Variants in ZBTB20 observed in about 807,000 individuals in gnomAD.
ZBTB20 encodes the protein zinc finger and BTB domain-containing protein 20.
Under a neutral mutation model 56.9 loss-of-function variants are expected in ZBTB20, and 9 were observed. The observed-to-expected ratio is 0.16, with a 90% confidence interval of 0.10 to 0.28. The LOEUF (loss-of-function observed/expected upper bound fraction) is 0.28. ZBTB20 is among the 10% of genes least tolerant of loss of function. The pLI, the probability that ZBTB20 is intolerant of heterozygous loss-of-function variation, is 1.00. For synonymous variants in ZBTB20, 417 were observed against 420.7 expected (o/e 0.99, Z 0.11); for missense variants, 655 against 1,003.0 (o/e 0.65, Z 4.69).
intron 2 of ZBTB20, among the ~76,000 whole-genome samples, chr3:115,030,963 T>C (rs1046008285): frequency 4.0e-5 from 6 of 151,428 alleles, no homozygotes; most frequent in African/African-American, 1.4e-4. Context: ...TAATAAAAAT[T>C]CAATATGCAC....
chr3:114,658,059 C>T (rs1203670824), intron 6 of ZBTB20, among the ~76,000 whole-genome samples: 2 of 152,094 alleles, frequency 1.3e-5, no homozygotes, highest in Non-Finnish European at 1.5e-5. Flanking sequence ...TATTTTTTAA[C>T]CTTAAAAAAA....
chr3:114,451,561 AAAGAT>A (rs1453992082), intron 7 of ZBTB20, among the ~76,000 whole-genome samples: 3 of 152,204 alleles, frequency 2.0e-5, no homozygotes, highest in Admixed American at 2.0e-4. Flanking sequence ...GAACAAAAAC[AAAGAT>A]AAAAATTGCA....
intron 7 of ZBTB20, among the ~76,000 whole-genome samples, chr3:114,435,374 A>G (rs1367155329): frequency 6.6e-6 from 1 of 152,194 alleles, no homozygotes; most frequent in Non-Finnish European, 1.5e-5. Context: ...TGATCTTCAT[A>G]CCAACTACGA....
Position 114,325,909 on chromosome 3 carries a change from T to A in ZBTB20, c.*13096A>T, listed in dbSNP as rs1301981641. 6.6e-6 allele frequency: 1 copy of A among 152,130 alleles called. No individual in the cohort carries two copies. The highest frequency in any genetic ancestry group is 1.5e-5 in the Non-Finnish European group (1 of 68,026). 9.4% of individuals were successfully genotyped at this position (152,130 alleles called of 1,614,324 possible). A position where few individuals can be genotyped will look rare whatever the true frequency, so the allele number is the denominator to read the frequency against. On this transcript the variant is annotated 3_prime_UTR_variant, in exon 12 of 12. Transcript: ENST00000675478. ...AGTTTCTAATTTGTTTTTTCCTTCTTTTGTGGTGGAGGGGTATAGATGGGT... is the reference window on the plus strand; with the variant it reads ...AGTTTCTAATTTGTTTTTTCCTTCTATTGTGGTGGAGGGGTATAGATGGGT...
chr3:115,123,628 A>T (rs2084243529), intron 1 of ZBTB20, among the ~76,000 whole-genome samples: 1 of 152,204 alleles, frequency 6.6e-6, no homozygotes. Context: ...AGCCAAAGCT[A>T]AATATGACCT....
intron 7 of ZBTB20, among the ~76,000 whole-genome samples, chr3:114,469,559 T>C (rs1576933461): frequency 6.6e-6 from 1 of 152,340 alleles, no homozygotes; most frequent in East Asian, 1.9e-4. Context: ...TATGTTCTGG[T>C]TCTGATTCAT....
At chr3:115,084,097 G>C (rs1278799363) in intron 1 of ZBTB20, among the ~76,000 whole-genome samples, 2 of 151,396 alleles carry the variant, frequency 1.3e-5, no homozygotes, top group Non-Finnish European at 3.0e-5. Flanking sequence ...GCAATAAAAT[G>C]GTATTTAAAG....
chr3:115,008,375 G>T (rs1369995705), intron 2 of ZBTB20, among the ~76,000 whole-genome samples: 2 of 151,774 alleles, frequency 1.3e-5, no homozygotes. Context: ...GTATGCTGAG[G>T]GTTAAAGGCA....
At chr3:114,417,911 C>T (rs973373622) in intron 7 of ZBTB20, among the ~76,000 whole-genome samples, 6 of 151,992 alleles carry the variant, frequency 3.9e-5, no homozygotes, top group Admixed American at 6.6e-5. Flanking sequence ...GAACTTGGAT[C>T]GCTTTCCCAT....
At chr3:114,964,194 C>T (rs773214347) in intron 3 of ZBTB20, among the ~76,000 whole-genome samples, 1 of 152,080 alleles carries the variant, frequency 6.6e-6, no homozygotes, top group Non-Finnish European at 1.5e-5. Context: ...GTGGGTGGAT[C>T]ACCTGAGGTC....
rs2079078858 is a variant in ZBTB20 at position 114,326,781 on chromosome 3, C to T, written c.*12224G>A. ...ATTATCCCTTTGCTCTACCATGTTT[C>T]ACTTTCTTTGAAGGAATTGCATCTA... On this transcript the variant is annotated 3_prime_UTR_variant, in exon 12 of 12. Coordinates refer to ENST00000675478, the MANE Select transcript of ZBTB20 (RefSeq NM_001348800.3). The T allele has an allele frequency of 6.6e-6, 1 of 152,184 alleles. No individual in the cohort carries two copies. The highest frequency in any genetic ancestry group is 2.4e-5 in the African/African-American group (1 of 41,450). 9.4% of individuals were successfully genotyped at this position (152,184 alleles called of 1,614,324 possible).
At chr3:115,145,350 G>A (rs547018914) in intron 1 of ZBTB20, among the ~76,000 whole-genome samples, 2 of 152,282 alleles carry the variant, frequency 1.3e-5, no homozygotes, top group East Asian at 3.9e-4. Flanking sequence ...TTGACCCTCA[G>A]TATCCATGGG....
intron 4 of ZBTB20, among the ~76,000 whole-genome samples, chr3:114,889,607 TA>T (rs1361074970): frequency 6.6e-6 from 1 of 152,002 alleles, no homozygotes; most frequent in Admixed American, 6.6e-5. Context: ...AAATAAATCA[TA>T]AAAAGGCACT....
At chr3:115,075,182 A>T (rs1253276227) in intron 1 of ZBTB20, among the ~76,000 whole-genome samples, 1 of 152,160 alleles carries the variant, frequency 6.6e-6, no homozygotes, top group East Asian at 1.9e-4. Flanking sequence ...TTAAGTGTGC[A>T]GTATTGTTGA....
At chr3:114,370,969 T>A (rs149155906) in intron 10 of ZBTB20, among the ~76,000 whole-genome samples, 56 of 152,304 alleles carry the variant, frequency 3.7e-4, no homozygotes, top group African/African-American at 1.3e-3. Flanking sequence ...ATCCTCCCCA[T>A]TCCTCCTATT....
rs111286494 is a variant in ZBTB20 at position 115,035,544 on chromosome 3, A to AACACAC, written c.-507+35669_-507+35674dup. ...ACACCAATTAGAATTGCTACTATCA[A>AACACAC]ACACACACACACACACACACACACA... On this transcript the variant is annotated intron_variant, in intron 2 of 11. Transcript: ENST00000675478. 1.9e-3 allele frequency among the ~76,000 whole-genome samples: 278 copies of AACACAC among 147,946 alleles called. 1 individual carries two copies. The highest frequency in any genetic ancestry group is 0.011 in the Middle Eastern group (3 of 284).
At chr3:114,434,331 T>A (rs1263210645) in intron 7 of ZBTB20, among the ~76,000 whole-genome samples, 3 of 152,052 alleles carry the variant, frequency 2.0e-5, no homozygotes, top group Non-Finnish European at 4.4e-5. Flanking sequence ...TGAGTTGGAA[T>A]CCATGTTCTC....
At chr3:114,593,146 T>C (rs1296571177) in intron 6 of ZBTB20, among the ~76,000 whole-genome samples, 2 of 152,218 alleles carry the variant, frequency 1.3e-5, no homozygotes, top group African/African-American at 4.8e-5. Context: ...GATATGTGAA[T>C]TGAAAATTCA....
At chr3:114,715,035 T>C (rs919982262) in intron 5 of ZBTB20, among the ~76,000 whole-genome samples, 2 of 152,206 alleles carry the variant, frequency 1.3e-5, no homozygotes, top group East Asian at 1.9e-4. Context: ...ATTCTAGCAA[T>C]TGGATCATTA....
Sources: gnomAD v4.1 joint callset for allele counts (sites outside exome capture counted in the v4.1 genomes callset) on GRCh38, gnomAD v4.1.1 for gene constraint, MANE v1.5 for transcripts, NCBI Gene and HGNC (gene_info 2026-07-23, HGNC 2026-07-21) for gene names.